The following CPNE8 variants were observed in gnomAD, a reference collection of about 807,000 sequenced individuals.
The protein encoded by CPNE8 is copine-8.
In CPNE8, 45 loss-of-function variants were observed where a neutral mutation model predicts 81.5. The ratio of observed to expected loss-of-function variants is 0.55; its 90% CI spans 0.44 to 0.71. The LOEUF (loss-of-function observed/expected upper bound fraction) is 0.71. Ranked by LOEUF, CPNE8 falls within the 30% of genes least tolerant of loss-of-function variation. The pLI, the probability that CPNE8 is intolerant of heterozygous loss-of-function variation, is 0.00. For synonymous variants in CPNE8, 252 were observed against 226.3 expected, an observed-to-expected ratio of 1.11 and a Z score of -1.02; for missense variants, 594 against 672.1, an observed-to-expected ratio of 0.88 and a Z score of 1.28.
At chr12:38,861,265 G>C (rs935424105) in intron 3 of CPNE8, among the ~76,000 whole-genome samples, 5 of 151,960 alleles carry the variant, frequency 3.3e-5, no homozygotes, top group Admixed American at 1.3e-4. Context: ...TTGTTCAATG[G>C]GTATAAAGTT....
intron 13 of CPNE8, among the ~76,000 whole-genome samples, chr12:38,703,365 ATTC>A: frequency 6.6e-6 from 1 of 152,236 alleles, no homozygotes; most frequent in East Asian, 1.9e-4. Flanking sequence ...CCTTAAACTA[ATTC>A]TTTTTGACAA....
chr12:38,865,156 C>G (rs1049042255), intron 3 of CPNE8, among the ~76,000 whole-genome samples: 13 of 152,096 alleles, frequency 8.5e-5, no homozygotes, highest in Admixed American at 7.2e-4. Flanking sequence ...ATTTTTTAAA[C>G]TGGCCATAAA....
chr12:38,901,467 T>C (rs1028381953), intron 1 of CPNE8, among the ~76,000 whole-genome samples: 2 of 152,186 alleles, frequency 1.3e-5, no homozygotes, highest in African/African-American at 4.8e-5. Flanking sequence ...CATTCTATAG[T>C]AATAAGCTTT....
intron 18 of CPNE8, among the ~76,000 whole-genome samples, chr12:38,673,995 G>T (rs1274697128): frequency 1.3e-5 from 2 of 151,972 alleles, no homozygotes; most frequent in African/African-American, 2.4e-5. Flanking sequence ...CTCAAATTCT[G>T]CATTGCTAGT....
intron 10 of CPNE8, 77 bp downstream of exon 10, chr12:38,760,769 TA>T: frequency 9.0e-7 from 1 of 1,115,788 alleles, no homozygotes. Context: ...AATTACAATT[TA>T]AAAATGTGGT....
intron 6 of CPNE8, among the ~76,000 whole-genome samples, chr12:38,819,410 AT>A (rs1943077833): frequency 6.6e-6 from 1 of 152,166 alleles, no homozygotes; most frequent in African/African-American, 2.4e-5. Flanking sequence ...ATTACTTAAA[AT>A]AACAATTCAC....
chr12:38,778,800 G>C (rs545975033), intron 6 of CPNE8, among the ~76,000 whole-genome samples: 1 of 152,148 alleles, frequency 6.6e-6, no homozygotes, highest in Non-Finnish European at 1.5e-5. Flanking sequence ...TAAGCACAGA[G>C]TTAAATGTCT....
At chr12:38,720,055 G>A (rs1940519284) in intron 13 of CPNE8, among the ~76,000 whole-genome samples, 1 of 152,034 alleles carries the variant, frequency 6.6e-6, no homozygotes, top group South Asian at 2.1e-4. Flanking sequence ...GTGCGATCTT[G>A]GCTCACTGCA....
chr12:38,874,645 A>G, intron 1 of CPNE8, 134 bp from the exon 2 acceptor site: 1 of 505,612 alleles, frequency 2.0e-6, no homozygotes, highest in South Asian at 3.0e-5. Context: ...ATATACATAT[A>G]TATGACTAAA....
chr12:38,754,366 T>C (rs541419461), intron 10 of CPNE8, among the ~76,000 whole-genome samples: 9 of 152,190 alleles, frequency 5.9e-5, no homozygotes, highest in Admixed American at 3.3e-4. Context: ...AAAAGCCTTT[T>C]CCTCTGAAAC....
chr12:38,753,829 C>T (rs34231299), intron 10 of CPNE8, among the ~76,000 whole-genome samples: 23,257 of 151,790 alleles, frequency 0.15, 2,296 homozygotes, highest in Non-Finnish European at 0.22. Context: ...CTTACTGTGC[C>T]TAAGGTAAAA....
chr12:38,893,460 A>G (rs779549152), intron 1 of CPNE8, among the ~76,000 whole-genome samples: 2 of 131,954 alleles, frequency 1.5e-5, no homozygotes, highest in Non-Finnish European at 3.4e-5. Context: ...AACATGAGCA[A>G]GTTACCCTCT....
chr12:38,805,682 A>T (rs1942782493), intron 6 of CPNE8, among the ~76,000 whole-genome samples: 1 of 144,906 alleles, frequency 6.9e-6, no homozygotes, highest in African/African-American at 2.5e-5. Flanking sequence ...AACATTAAAA[A>T]AAAAAAAAAG....
chr12:38,744,688 C>G (rs776286327), intron 10 of CPNE8, among the ~76,000 whole-genome samples: 1 of 151,158 alleles, frequency 6.6e-6, no homozygotes, highest in African/African-American at 2.5e-5. Context: ...AGGCAAACTT[C>G]GGCAAGAAGC....
chr12:38,852,428 CAAAAAAAAAAAAAAAA>C (rs138401295), intron 3 of CPNE8, among the ~76,000 whole-genome samples: 1 of 75,210 alleles, frequency 1.3e-5, no homozygotes, highest in African/African-American at 6.0e-5. Flanking sequence ...AGCTCTGTCT[CAAAAAAAAAAAAAAAA>C]AAAAAAAATT....
chr12:38,751,683 TG>T (rs1243046671), intron 10 of CPNE8, among the ~76,000 whole-genome samples: 1 of 150,784 alleles, frequency 6.6e-6, no homozygotes, highest in Non-Finnish European at 1.5e-5. Flanking sequence ...TCAGCAATAG[TG>T]GCACTGGAGA....
chr12:38,858,224 A>G (rs1289753516), intron 3 of CPNE8, among the ~76,000 whole-genome samples: 1 of 152,216 alleles, frequency 6.6e-6, no homozygotes, highest in Non-Finnish European at 1.5e-5. Context: ...TAAAGACAGG[A>G]AGTTTGTTTT....
chr12:38,698,111 T>C (rs376787320), intron 14 of CPNE8, among the ~76,000 whole-genome samples: 1 of 152,242 alleles, frequency 6.6e-6, no homozygotes, highest in South Asian at 2.1e-4. Context: ...CTAGTGGGTA[T>C]GAAATGATAT....
intron 13 of CPNE8, among the ~76,000 whole-genome samples, chr12:38,710,268 C>CAAAAAAAAAAAAAAAAAAAAAAAAA (rs57376063): frequency 8.0e-5 from 4 of 50,260 alleles, no homozygotes; most frequent in East Asian, 6.5e-4. Flanking sequence ...AATAAGCTAA[C>CAAAAAAAAAAAAAAAAAAAAAAAAA]AAAAAAAAAA....
Sources: gnomAD v4.1 joint callset for allele counts (sites outside exome capture counted in the v4.1 genomes callset) on GRCh38, gnomAD v4.1.1 for gene constraint, MANE v1.5 for transcripts, NCBI Gene and HGNC (gene_info 2026-07-23, HGNC 2026-07-21) for gene names.